DLGAP4: variants seen among roughly 807,000 people sequenced by gnomAD.
DLGAP4 encodes disks large-associated protein 4.
A neutral mutation model predicts 86.9 loss-of-function variants in DLGAP4; 18 were observed. That is an observed-to-expected ratio of 0.21 (90% CI 0.14 to 0.31). The LOEUF (loss-of-function observed/expected upper bound fraction) is 0.31. Ranked by LOEUF, DLGAP4 falls within the 10% of genes least tolerant of loss-of-function variation. The pLI is 1.00. For synonymous variants in DLGAP4, 548 were observed against 574.3 expected, an observed-to-expected ratio of 0.95 and a Z score of 0.65; for missense variants, 1,085 against 1,362.6, an observed-to-expected ratio of 0.80 and a Z score of 3.21.
chr20:36,425,342 T>C (rs2032944663), intron 2 of DLGAP4, among the ~76,000 whole-genome samples: 1 of 152,188 alleles, frequency 6.6e-6, no homozygotes, highest in African/African-American at 2.4e-5. Flanking sequence ...TCAACATCAT[T>C]AGTCATCAGG....
intron 2 of DLGAP4, among the ~76,000 whole-genome samples, chr20:36,417,956 TG>T (rs1399937790): frequency 6.6e-6 from 1 of 151,130 alleles, no homozygotes; most frequent in Non-Finnish European, 1.5e-5. Flanking sequence ...AGCTAATTTT[TG>T]TATTTTTATT....
intron 2 of DLGAP4, among the ~76,000 whole-genome samples, chr20:36,425,516 G>T (rs1313259201): frequency 6.6e-6 from 1 of 151,910 alleles, no homozygotes; most frequent in Non-Finnish European, 1.5e-5. Flanking sequence ...AAAACAGTTT[G>T]GTGGTTCCGC....
chr20:36,495,090 T>A (rs1165950571), intron 7 of DLGAP4, among the ~76,000 whole-genome samples: 3 of 150,100 alleles, frequency 2.0e-5, no homozygotes, highest in Non-Finnish European at 4.4e-5. Flanking sequence ...CCTCCCAAGT[T>A]TAAGCAATTC....
Position 36,461,985 on chromosome 20 carries a change from C to A in DLGAP4, c.1648+15048C>A, listed in dbSNP as rs1010270215. Reference sequence around the variant, plus strand: ...CACTCTTCGGGACTCCCCCTCAGAGCGCCCCCAGATCTTTTGGGGTTCCCC... The same window carrying A: ...CACTCTTCGGGACTCCCCCTCAGAGAGCCCCCAGATCTTTTGGGGTTCCCC... On this transcript the variant is annotated intron_variant, in intron 7 of 12. Coordinates refer to ENST00000339266, the MANE Select transcript of DLGAP4 (RefSeq NM_001365621.2). 6 of 985,052 alleles carry A rather than the reference C, an allele frequency of 6.1e-6. No homozygotes were observed. In the African/African-American group the frequency reaches 1.1e-4, roughly 17 times the overall value. The allele number at this position is 985,052 out of a possible 1,614,324, so 61.0% of individuals were successfully genotyped here.
chr20:36,461,530 C>A, intron 7 of DLGAP4: 1 of 958,964 alleles, frequency 1.0e-6, no homozygotes, highest in Non-Finnish European at 1.2e-6. Context: ...CGCCGCTGGC[C>A]GCCGCCGCCG....
intron 7 of DLGAP4, among the ~76,000 whole-genome samples, chr20:36,467,024 C>G (rs2034417683): frequency 4.3e-5 from 1 of 23,154 alleles, no homozygotes; most frequent in Non-Finnish European, 1.5e-4. Flanking sequence ...TCTCCTCTCT[C>G]TCTCTCTCTC....
chr20:36,436,341 AC>A lies in DLGAP4; in HGVS notation c.1237del (p.Arg413AlafsTer47). On this transcript the variant is annotated frameshift_variant, in exon 4 of 13. Coordinates refer to ENST00000339266, the MANE Select transcript of DLGAP4 (RefSeq NM_001365621.2). LOFTEE classifies it high-confidence loss of function. ...ATQQSLGEQS[N>X]PRRSLDRLDS... ...CAGCAGTCGCTGGGAGAGCAGAGCA[AC>A]CCCCGCAGGTAGGCGCGCAGCTCCA... The A allele has an allele frequency of 6.3e-7, 1 of 1,593,498 alleles. No homozygotes were observed.
intron 1 of DLGAP4, among the ~76,000 whole-genome samples, chr20:36,347,358 A>C (rs2029978163): frequency 6.6e-6 from 1 of 152,130 alleles, no homozygotes; most frequent in Non-Finnish European, 1.5e-5. Flanking sequence ...TGGAAGGGGC[A>C]GAGAGAGAGG....
At chr20:36,492,459 G>A (rs1358110573) in intron 7 of DLGAP4, 1 of 152,428 alleles carries the variant, frequency 6.6e-6, no homozygotes, top group Admixed American at 6.5e-5. Context: ...TGGCTGCCTA[G>A]GCCAGGGCTC....
At chr20:36,391,266 A>G (rs2031775923) in intron 2 of DLGAP4, among the ~76,000 whole-genome samples, 1 of 152,064 alleles carries the variant, frequency 6.6e-6, no homozygotes, top group African/African-American at 2.4e-5. Flanking sequence ...CTGCAACCCC[A>G]AACAGGCTGC....
At chr20:36,360,410 G>A (rs944931414) in intron 1 of DLGAP4, among the ~76,000 whole-genome samples, 6 of 152,154 alleles carry the variant, frequency 3.9e-5, no homozygotes, top group South Asian at 2.1e-4. Context: ...CATCCCAGGT[G>A]TCTCCCTCCA....
intron 1 of DLGAP4, among the ~76,000 whole-genome samples, chr20:36,355,361 G>A (rs73618579): frequency 0.01 from 1,507 of 150,064 alleles, 54 homozygotes; most frequent in East Asian, 0.078. Context: ...GCAGTGGCAC[G>A]ATCGTGGTTC....
chr20:36,351,392 C>A (rs964817419), intron 1 of DLGAP4, among the ~76,000 whole-genome samples: 3 of 152,076 alleles, frequency 2.0e-5, no homozygotes, highest in Admixed American at 1.3e-4. Flanking sequence ...GCATTCGATT[C>A]TCATAGGAGC....
intron 2 of DLGAP4, among the ~76,000 whole-genome samples, chr20:36,400,959 C>A (rs1323050652): frequency 2.6e-5 from 4 of 152,050 alleles, no homozygotes; most frequent in Non-Finnish European, 5.9e-5. Flanking sequence ...TTGAGGAATT[C>A]CCCCCTTTGC....
chr20:36,388,805 G>T (rs1469166149), intron 2 of DLGAP4, among the ~76,000 whole-genome samples: 1 of 152,166 alleles, frequency 6.6e-6, no homozygotes, highest in Non-Finnish European at 1.5e-5. Flanking sequence ...CTTTTCCTGC[G>T]ATTATTACTT....
At chr20:36,498,169 G>A (rs570609477) in intron 8 of DLGAP4, 2 of 152,256 alleles carry the variant, frequency 1.3e-5, no homozygotes, top group Non-Finnish European at 2.9e-5. Flanking sequence ...AACAGAGAAG[G>A]CTCACTGAGC....
At chr20:36,437,351 C>T (rs1187556774) in intron 4 of DLGAP4, among the ~76,000 whole-genome samples, 3 of 152,170 alleles carry the variant, frequency 2.0e-5, no homozygotes, top group Non-Finnish European at 1.5e-5. Flanking sequence ...CCACAGGAGC[C>T]ACATCCCCAG....
intron 2 of DLGAP4, among the ~76,000 whole-genome samples, chr20:36,423,392 G>T (rs1466562219): frequency 7.2e-6 from 1 of 138,170 alleles, no homozygotes; most frequent in African/African-American, 2.7e-5. Context: ...GGGGGCAGAG[G>T]TTGCAGTGAG....
intron 5 of DLGAP4, among the ~76,000 whole-genome samples, chr20:36,440,490 C>T (rs1378117733): frequency 2.6e-5 from 4 of 152,124 alleles, no homozygotes; most frequent in Admixed American, 1.3e-4. Flanking sequence ...CTGGGCTGAA[C>T]GTTGAATTTG....
Sources: allele counts gnomAD v4.1 joint callset (sites outside exome capture counted in the v4.1 genomes callset), GRCh38; gene constraint gnomAD v4.1.1; transcripts MANE v1.5; gene names NCBI Gene and HGNC (gene_info 2026-07-23, HGNC 2026-07-21).